MAGI2: variants seen among roughly 807,000 people sequenced by gnomAD.
The protein encoded by MAGI2 is membrane-associated guanylate kinase, WW and PDZ domain-containing protein 2.
In MAGI2, 35 loss-of-function variants were observed where a neutral mutation model predicts 133.3. That is an observed-to-expected ratio of 0.26 (90% CI 0.20 to 0.35). The LOEUF is 0.35. Among genes scored for constraint, MAGI2 ranks in the 10% least tolerant of loss-of-function variants. The pLI, the probability that MAGI2 is intolerant of heterozygous loss-of-function variation, is 1.00. For synonymous variants in MAGI2, 729 were observed against 710.6 expected (o/e 1.03, Z -0.41); for missense variants, 1,636 against 1,863.4 (o/e 0.88, Z 2.25).
In MAGI2 at chr7:79,006,350, A is replaced by C. The variant is rs1807448283; in HGVS notation, c.418+740T>G. ...AGAGAGTGGAAAGTGTCTGAAGTGC[A>C]TGGAATCTGCCTTGAAGAAAATGGA... is the stretch of plus-strand genomic sequence containing the variant. On this transcript the variant is annotated intron_variant, in intron 2 of 21. Transcript: ENST00000354212. Among the ~76,000 whole-genome samples, 3 of 152,204 alleles carry C rather than the reference A, an allele frequency of 2.0e-5. No individual in the cohort carries two copies. The East Asian group carries it at 5.8e-4, about 29-fold the overall frequency.
intron 1 of MAGI2, among the ~76,000 whole-genome samples, chr7:79,110,109 G>C (rs1818798653): frequency 6.6e-6 from 1 of 151,220 alleles, no homozygotes; most frequent in African/African-American, 2.4e-5. Context: ...AGGAGAGCAA[G>C]AGTGAAGAAG....
chr7:78,541,461 G>A (rs1257749265), intron 3 of MAGI2, among the ~76,000 whole-genome samples: 2 of 152,164 alleles, frequency 1.3e-5, no homozygotes, highest in African/African-American at 2.4e-5. Context: ...CTGAGTAAAC[G>A]ATTAGTAAAT....
At chr7:79,125,402 G>A (rs1049618572) in intron 1 of MAGI2, 18 of 490,972 alleles carry the variant, frequency 3.7e-5, no homozygotes, top group Non-Finnish European at 6.9e-5. Context: ...AACCTCAGGG[G>A]TCATGGTGTC....
At chr7:79,225,155 C>T (rs1310338445) in intron 1 of MAGI2, among the ~76,000 whole-genome samples, 1 of 152,132 alleles carries the variant, frequency 6.6e-6, no homozygotes, top group Non-Finnish European at 1.5e-5. Context: ...GTGGGCTTCT[C>T]CTCTGAGCTT....
intron 21 of MAGI2, among the ~76,000 whole-genome samples, chr7:78,066,427 A>C (rs1320707045): frequency 6.6e-6 from 1 of 151,258 alleles, no homozygotes; most frequent in Non-Finnish European, 1.5e-5. Flanking sequence ...GCACCACTGC[A>C]CTCCAGCCTG....
chr7:78,164,314 T>C (rs1825406306), intron 15 of MAGI2, among the ~76,000 whole-genome samples: 1 of 152,194 alleles, frequency 6.6e-6, no homozygotes, highest in South Asian at 2.1e-4. Flanking sequence ...TATTTTGCCT[T>C]GAAGCATGGC....
intron 6 of MAGI2, among the ~76,000 whole-genome samples, chr7:78,462,867 G>A (rs779844679): frequency 6.6e-6 from 1 of 152,154 alleles, no homozygotes; most frequent in Admixed American, 6.5e-5. Context: ...CTTTTGGTGA[G>A]CTGATGGCAG....
At chr7:79,039,096 G>A (rs1052822778) in intron 1 of MAGI2, among the ~76,000 whole-genome samples, 1 of 152,096 alleles carries the variant, frequency 6.6e-6, no homozygotes, top group Non-Finnish European at 1.5e-5. Flanking sequence ...CATGTGGGAG[G>A]TAATTAGATC....
chr7:78,834,647 C>T (rs1046838104), intron 2 of MAGI2, among the ~76,000 whole-genome samples: 1 of 152,150 alleles, frequency 6.6e-6, no homozygotes, highest in South Asian at 2.1e-4. Context: ...TGAACACATG[C>T]ATAAAAGCTT....
intron 1 of MAGI2, among the ~76,000 whole-genome samples, chr7:79,298,460 A>C (rs965255334): frequency 6.6e-6 from 1 of 152,190 alleles, no homozygotes; most frequent in African/African-American, 2.4e-5. Context: ...GCTGTTTTGT[A>C]ACACACAAAA....
chr7:78,706,470 C>T (rs1450219178), intron 2 of MAGI2, among the ~76,000 whole-genome samples: 1 of 152,066 alleles, frequency 6.6e-6, no homozygotes. Context: ...AGTGTGAAAA[C>T]AGACTAATAC....
intron 1 of MAGI2, among the ~76,000 whole-genome samples, chr7:79,139,671 G>A (rs866166842): frequency 1.3e-5 from 2 of 152,158 alleles, no homozygotes; most frequent in Non-Finnish European, 2.9e-5. Flanking sequence ...TACTATACAC[G>A]AATTGAGTGG....
At chr7:78,681,801 T>C (rs1454223896) in intron 2 of MAGI2, among the ~76,000 whole-genome samples, 1 of 152,038 alleles carries the variant, frequency 6.6e-6, no homozygotes, top group Non-Finnish European at 1.5e-5. Flanking sequence ...GCAGAGAGAC[T>C]AGAGTCAGGG....
intron 1 of MAGI2, among the ~76,000 whole-genome samples, chr7:79,164,696 G>GC (rs1824751740): frequency 6.6e-6 from 1 of 151,946 alleles, no homozygotes; most frequent in Admixed American, 6.6e-5. Context: ...GAGCTTGAAA[G>GC]TTCCCCCACC....
At chr7:78,672,667 G>C (rs982770649) in intron 2 of MAGI2, among the ~76,000 whole-genome samples, 4 of 152,204 alleles carry the variant, frequency 2.6e-5, no homozygotes, top group Admixed American at 2.6e-4. Context: ...TCAAAGTGTG[G>C]TTCTCACAGG....
At chr7:78,867,501 T>C (rs1055620759) in intron 2 of MAGI2, among the ~76,000 whole-genome samples, 3 of 136,348 alleles carry the variant, frequency 2.2e-5, no homozygotes, top group Non-Finnish European at 3.0e-5. Flanking sequence ...TGAGAACACA[T>C]GGACACAGGA....
intron 2 of MAGI2, among the ~76,000 whole-genome samples, chr7:78,799,548 G>A (rs1296040806): frequency 6.6e-6 from 1 of 152,078 alleles, no homozygotes; most frequent in Non-Finnish European, 1.5e-5. Context: ...AATCCATGTG[G>A]CCAAGGATAT....
At chr7:78,625,090 T>C (rs1808201110) in intron 3 of MAGI2, among the ~76,000 whole-genome samples, 2 of 152,106 alleles carry the variant, frequency 1.3e-5, no homozygotes, top group South Asian at 4.1e-4. Flanking sequence ...CCTGACCCTG[T>C]GTAGGCCTAG....
intron 3 of MAGI2, among the ~76,000 whole-genome samples, chr7:78,558,837 G>GTTTTTTTT (rs10691115): frequency 3.8e-5 from 5 of 130,054 alleles, no homozygotes; most frequent in Non-Finnish European, 6.4e-5. Context: ...TTGAGACACC[G>GTTTTTTTT]TTTTTTTTTT....
Sources: allele counts gnomAD v4.1 joint callset (sites outside exome capture counted in the v4.1 genomes callset), GRCh38; gene constraint gnomAD v4.1.1; transcripts MANE v1.5; gene names NCBI Gene and HGNC (gene_info 2026-07-23, HGNC 2026-07-21).